Variants in SP2 observed in about 807,000 individuals in gnomAD.
SP2 encodes the protein Sp2 transcription factor.
SP2 carries 9 observed loss-of-function variants against 50.1 expected under a neutral mutation model. The observed-to-expected ratio is 0.18, with a 90% CI of 0.11 to 0.31. SP2 has a LOEUF of 0.31. Among genes scored for constraint, SP2 ranks in the 10% least tolerant of loss-of-function variants. The pLI is 1.00. For missense variants in SP2, 581 were observed against 806.5 expected (o/e 0.72, Z 3.39); for synonymous variants, 313 against 326.6 (o/e 0.96, Z 0.45).
chr17:47,922,456 AT>A (rs1262547023), intron 3 of SP2, among the ~76,000 whole-genome samples: 1 of 151,374 alleles, frequency 6.6e-6, no homozygotes, highest in African/African-American at 2.4e-5. Context: ...GTCAATCTGA[AT>A]TGGAGAAAAG....
rs1192756358 is a variant in SP2, at chr17:47,928,095, C to T, written c.*271C>T. On this transcript the variant is annotated 3_prime_UTR_variant, in exon 7 of 7. Transcript: ENST00000376741. ...CCCAATGAGACGTTCTAAACCAGGA[C>T]GCGTGGGAACCCTTATTTCCAAAGG... is the stretch of plus-strand genomic sequence containing the variant. 4 of 389,138 alleles carry T rather than the reference C, an allele frequency of 1.0e-5. No individual in the cohort carries two copies. The highest frequency in any genetic ancestry group is 4.5e-5 in the South Asian group (1 of 22,408). The allele number at this position is 389,138 out of a possible 1,614,324, so 24.1% of individuals were successfully genotyped here.
intron 5 of SP2, 55 bp from the exon 6 acceptor site, chr17:47,925,293 C>A: frequency 6.5e-7 from 1 of 1,534,728 alleles, no homozygotes; most frequent in Non-Finnish European, 8.9e-7. Flanking sequence ...CCATCCTCTA[C>A]CGCTTTTCTC....
chr17:47,927,308 C>T (rs182428149), intron 6 of SP2, among the ~76,000 whole-genome samples: 19 of 151,888 alleles, frequency 1.3e-4, no homozygotes, highest in East Asian at 5.8e-4. Flanking sequence ...CCAAGGTGGG[C>T]GGATCACTTG....
chr17:47,925,532 A>T lies in SP2; in HGVS notation c.1732A>T (p.Thr578Ser). The T allele has an allele frequency of 6.2e-7, 1 of 1,613,364 alleles. No homozygotes were observed. Residue 578 changes from threonine (T) to serine (S), a missense_variant, in exon 6 of 7, where the codon ACC becomes TCC. This residue lies in a region of SP2 where 184 missense variants were observed against 315.5 expected (regional missense o/e 0.58). Coordinates refer to ENST00000376741, the MANE Select transcript of SP2 (RefSeq NM_003110.6). Reference protein sequence around the residue: ...RSDELQRHARTHTGDKRFECA... With the variant: ...RSDELQRHARSHTGDKRFECA... ...TGACGAGCTCCAACGGCATGCTCGCACCCACACAGGTCAGCCCCCTGCCTT... is the reference window on the plus strand; with the variant it reads ...TGACGAGCTCCAACGGCATGCTCGCTCCCACACAGGTCAGCCCCCTGCCTT...
At chr17:47,927,603 A>AGAAT (rs1331153748) in intron 6 of SP2, 121 bp from the exon 7 acceptor site, 2 of 575,676 alleles carry the variant, frequency 3.5e-6, no homozygotes, top group Non-Finnish European at 6.4e-6. Context: ...GGAGGTGGGC[A>AGAAT]GAATGTGGTG....
At chr17:47,905,471 G>C (rs191585885) in intron 1 of SP2, among the ~76,000 whole-genome samples, 1 of 152,222 alleles carries the variant, frequency 6.6e-6, no homozygotes, top group African/African-American at 2.4e-5. Context: ...TACCCCCAAG[G>C]CCTGGGTTGT....
At chr17:47,907,506 A>G (rs560326781) in intron 1 of SP2, among the ~76,000 whole-genome samples, 15 of 152,152 alleles carry the variant, frequency 9.9e-5, no homozygotes, top group Non-Finnish European at 2.1e-4. Flanking sequence ...GTAAAACTTC[A>G]CCAGCTTGGG....
chr17:47,898,687 G>A (rs2034430290), intron 1 of SP2: 1 of 152,186 alleles, frequency 6.6e-6, no homozygotes, highest in African/African-American at 2.4e-5. Flanking sequence ...TTTGGATCAG[G>A]TGGACAATGG....
intron 1 of SP2, 30 bp from the exon 2 acceptor site, chr17:47,915,282 T>A: frequency 6.6e-7 from 1 of 1,524,224 alleles, no homozygotes; most frequent in South Asian, 1.2e-5. Context: ...GGGCATTTTA[T>A]ACATTACTCC....
At chr17:47,917,298 G>T (rs2035252340) in intron 3 of SP2, among the ~76,000 whole-genome samples, 168 bp downstream of exon 3, 1 of 152,188 alleles carries the variant, frequency 6.6e-6, no homozygotes, top group Non-Finnish European at 1.5e-5. Flanking sequence ...GCTCTCTTTA[G>T]TTCATAGGGC....
intron 1 of SP2, among the ~76,000 whole-genome samples, chr17:47,904,860 C>G (rs1226132623): frequency 6.6e-6 from 1 of 152,200 alleles, no homozygotes; most frequent in Non-Finnish European, 1.5e-5. Flanking sequence ...GCCTCGACTT[C>G]CTGGACTCAA....
At position 47,916,981 on chromosome 17, in the gene SP2, G is replaced by C; in HGVS notation, c.910G>C (p.Val304Leu). Residue 304 changes from valine (V) to leucine (L), a missense_variant, in exon 3 of 7, where the codon GTG becomes CTG. Coordinates refer to ENST00000376741, the MANE Select transcript of SP2 (RefSeq NM_003110.6). This position sits in a 1 kb window ranked among gnomAD's most constrained non-coding sequence, Gnocchi z 4.7. ...AGCTGTGGTCCAGCAGGTCCAGGTG[G>C]TGCCCCCCAAGGCCGAGCAGCAGCA... ...QPAVVQQVQV[V>L]PPKAEQQQVV... is the part of the protein sequence containing the mutation. The C allele has an allele frequency of 6.2e-7, 1 of 1,614,164 alleles. No homozygotes were observed. Among genetic ancestry groups the C allele is most frequent in the Non-Finnish European group, 8.5e-7 (1 of 1,180,018 alleles).
rs1230135102 is a variant in SP2, at chr17:47,928,813, T to TTTTTAG, written c.*992_*997dup. ...TAAATTAAACAAAAATCCAACTTTATTTTTAGTTGTAACTGCTTGAGGTAT... is the reference window on the plus strand; with the variant it reads ...TAAATTAAACAAAAATCCAACTTTATTTTTAGTTTTAGTTGTAACTGCTTGAGGTAT... On this transcript the variant is annotated 3_prime_UTR_variant, in exon 7 of 7. Transcript: ENST00000376741. 1.3e-5 allele frequency: 2 copies of TTTTTAG among 151,180 alleles called. No individual in the cohort carries two copies. The highest frequency in any genetic ancestry group is 3.0e-5 in the Non-Finnish European group (2 of 67,664). 9.4% of individuals were successfully genotyped at this position (151,180 alleles called of 1,614,324 possible).
chr17:47,912,908 G>A (rs922952066), intron 1 of SP2, among the ~76,000 whole-genome samples: 1 of 152,126 alleles, frequency 6.6e-6, no homozygotes. Context: ...TGCCCAGGCT[G>A]GAGTGCAGTG....
At chr17:47,904,278 A>G (rs1183575624) in intron 1 of SP2, among the ~76,000 whole-genome samples, 1 of 151,710 alleles carries the variant, frequency 6.6e-6, no homozygotes, top group African/African-American at 2.4e-5. Flanking sequence ...AAAAAAAAAA[A>G]AAGAAGTAGA....
Position 47,928,558 on chromosome 17 carries a change from G to A in SP2, c.*734G>A, listed in dbSNP as rs1348916121. ...TCAGTTGAGGGTTGGGGGCAATGAT[G>A]AGCATATGAATTTTTTCTCACTCTA... On this transcript the variant is annotated 3_prime_UTR_variant, in exon 7 of 7. Transcript: ENST00000376741. 1 of 152,586 alleles carries A rather than the reference G, an allele frequency of 6.6e-6. No homozygotes were observed. The highest frequency in any genetic ancestry group is 1.5e-5 in the Non-Finnish European group (1 of 68,052). 9.5% of individuals were successfully genotyped at this position (152,586 alleles called of 1,614,324 possible).
In SP2 at chr17:47,916,123, G is replaced by A. The variant is rs1156965701; in HGVS notation, c.85-33G>A. ...AGGCGGCCGGGCAGCGGGCCTTCCTGTCTCACTCCTTTTCTCTGCTGTTTT... is the reference window on the plus strand; with the variant it reads ...AGGCGGCCGGGCAGCGGGCCTTCCTATCTCACTCCTTTTCTCTGCTGTTTT... On this transcript the variant is annotated intron_variant, in intron 2 of 6. Coordinates refer to ENST00000376741, the MANE Select transcript of SP2 (RefSeq NM_003110.6). The surrounding 1 kb of genome is among the most constrained non-coding windows in gnomAD (Gnocchi z 4.7). 2.5e-6 allele frequency: 4 copies of A among 1,571,520 alleles called. No homozygotes were observed. The highest frequency in any genetic ancestry group is 3.5e-6 in the Non-Finnish European group (4 of 1,157,864).
intron 1 of SP2, 100 bp downstream of exon 1, chr17:47,896,393 C>A (rs1193410904): frequency 9.5e-7 from 1 of 1,054,048 alleles, no homozygotes; most frequent in Admixed American, 4.3e-5. Flanking sequence ...GGGGTTCCCC[C>A]CTGGGGCTGG....
At chr17:47,905,456 C>T (rs868663252) in intron 1 of SP2, among the ~76,000 whole-genome samples, 4 of 152,170 alleles carry the variant, frequency 2.6e-5, no homozygotes, top group African/African-American at 4.8e-5. Flanking sequence ...CAAAAAAAGC[C>T]GAGTTACCCC....
Sources: allele counts gnomAD v4.1 joint callset (sites outside exome capture counted in the v4.1 genomes callset), GRCh38; gene constraint gnomAD v4.1.1; regional missense constraint gnomAD v4.1.1; non-coding constraint Gnocchi (gnomAD v3.1); transcripts MANE v1.5; gene names NCBI Gene and HGNC (gene_info 2026-07-23, HGNC 2026-07-21).